The following UBE2E2 variants were observed in gnomAD, a reference collection of about 807,000 sequenced individuals.
UBE2E2 encodes ubiquitin-conjugating enzyme E2 E2.
A neutral mutation model predicts 24.7 loss-of-function variants in UBE2E2; 6 were observed. The ratio of observed to expected loss-of-function variants is 0.24; its 90% CI spans 0.13 to 0.48. UBE2E2 has a LOEUF of 0.48. Among genes scored for constraint, UBE2E2 ranks in the 20% least tolerant of loss-of-function variants. UBE2E2 has a pLI of 0.99. For missense variants in UBE2E2, 169 were observed against 245.0 expected, an observed-to-expected ratio of 0.69 and a Z score of 2.07; for synonymous variants, 104 against 83.6, an observed-to-expected ratio of 1.24 and a Z score of -1.33.
intron 3 of UBE2E2, among the ~76,000 whole-genome samples, chr3:23,313,177 T>C (rs1182576225): frequency 2.0e-5 from 3 of 152,154 alleles, no homozygotes; most frequent in Non-Finnish European, 2.9e-5. Context: ...ATCTGTTATA[T>C]CATCTTGCTA....
At chr3:23,578,470 C>T (rs994506869) in intron 5 of UBE2E2, among the ~76,000 whole-genome samples, 5 of 152,180 alleles carry the variant, frequency 3.3e-5, no homozygotes, top group African/African-American at 1.2e-4. Flanking sequence ...TATTAAGATA[C>T]GTGCACACAT....
chr3:23,232,500 C>A lies in UBE2E2; in HGVS notation c.227+15188C>A, dbSNP rs188745364. On this transcript the variant is annotated intron_variant, in intron 3 of 5. Coordinates refer to ENST00000396703, the MANE Select transcript of UBE2E2 (RefSeq NM_152653.4). ...CCTTCAAATTTATCAAACTGTGTAA[C>A]AAACTGTTTAGAATCCTCCTGATTT... 2.3e-3 allele frequency among the ~76,000 whole-genome samples: 346 copies of A among 151,964 alleles called. 3 individuals are homozygous for A. The highest frequency in any genetic ancestry group is 7.9e-3 in the African/African-American group (329 of 41,478).
chr3:23,308,558 G>A (rs1699292572), intron 3 of UBE2E2, among the ~76,000 whole-genome samples: 1 of 152,108 alleles, frequency 6.6e-6, no homozygotes. Context: ...AATTTTAAAA[G>A]TTTAGTTTTT....
chr3:23,554,740 G>T (rs1233300644), intron 5 of UBE2E2, among the ~76,000 whole-genome samples: 1 of 151,952 alleles, frequency 6.6e-6, no homozygotes, highest in African/African-American at 2.4e-5. Context: ...ACATCAAACT[G>T]CAAAACTTCT....
chr3:23,312,034 A>G (rs1014612429), intron 3 of UBE2E2, among the ~76,000 whole-genome samples: 1 of 152,148 alleles, frequency 6.6e-6, no homozygotes, highest in Admixed American at 6.5e-5. Flanking sequence ...TACCATCTTC[A>G]TGATAGTGAG....
At chr3:23,493,523 G>GT (rs1317530555) in intron 3 of UBE2E2, among the ~76,000 whole-genome samples, 4 of 151,780 alleles carry the variant, frequency 2.6e-5, no homozygotes, top group African/African-American at 7.3e-5. Flanking sequence ...AAAGCTTTAG[G>GT]TTTTTTTTCT....
intron 3 of UBE2E2, among the ~76,000 whole-genome samples, chr3:23,437,852 G>A (rs1228579841): frequency 6.6e-6 from 1 of 152,216 alleles, no homozygotes; most frequent in African/African-American, 2.4e-5. Context: ...ACACAGGACA[G>A]GTGGCCACTT....
intron 3 of UBE2E2, among the ~76,000 whole-genome samples, chr3:23,300,429 C>T (rs1429312835): frequency 3.3e-5 from 5 of 152,078 alleles, no homozygotes; most frequent in Admixed American, 1.3e-4. Context: ...TACCGGTTGT[C>T]CCTTTCCATG....
intron 2 of UBE2E2, among the ~76,000 whole-genome samples, chr3:23,215,110 G>C (rs993304438): frequency 2.3e-4 from 35 of 151,760 alleles, no homozygotes; most frequent in African/African-American, 8.0e-4. Flanking sequence ...TTAAACTTCT[G>C]TTTCTTATTC....
At chr3:23,249,952 G>A (rs151075051) in intron 3 of UBE2E2, among the ~76,000 whole-genome samples, 2 of 152,282 alleles carry the variant, frequency 1.3e-5, no homozygotes, top group Non-Finnish European at 2.9e-5. Flanking sequence ...CACCGCATCC[G>A]GCCTAACAGA....
At chr3:23,361,806 C>G (rs147797648) in intron 3 of UBE2E2, among the ~76,000 whole-genome samples, 1 of 151,020 alleles carries the variant, frequency 6.6e-6, no homozygotes, top group South Asian at 2.1e-4. Flanking sequence ...TCCCCAAAAA[C>G]TATTCATATA....
At position 23,454,161 on chromosome 3, in the gene UBE2E2, T is replaced by C. The variant is rs191643596; in HGVS notation, c.228-45447T>C. On this transcript the variant is annotated intron_variant, in intron 3 of 5. Transcript: ENST00000396703. Reference sequence around the variant, plus strand: ...TTTGAATTTTTAAGAAGCTAATGAATTTTTAGATCCCCATTAGTTGCTCTT... The same window carrying C: ...TTTGAATTTTTAAGAAGCTAATGAACTTTTAGATCCCCATTAGTTGCTCTT... Among the ~76,000 whole-genome samples the C allele has an allele frequency of 6.4e-4, 98 of 152,288 alleles. 5 individuals carry two copies. In the East Asian group the frequency reaches 0.015, roughly 24 times the overall value.
chr3:23,252,098 T>G (rs1697590615), intron 3 of UBE2E2, among the ~76,000 whole-genome samples: 1 of 152,208 alleles, frequency 6.6e-6, no homozygotes, highest in Admixed American at 6.5e-5. Context: ...AAAAAATTAG[T>G]TAAACTGGAA....
chr3:23,206,730 C>A (rs78846618), intron 1 of UBE2E2, among the ~76,000 whole-genome samples: 6,532 of 152,176 alleles, frequency 0.043, 488 homozygotes, highest in African/African-American at 0.15. Context: ...CATTAAAGAT[C>A]GGTGTTACAA....
At chr3:23,545,857 C>G (rs1022335195) in intron 5 of UBE2E2, among the ~76,000 whole-genome samples, 1 of 152,134 alleles carries the variant, frequency 6.6e-6, no homozygotes, top group Non-Finnish European at 1.5e-5. Flanking sequence ...ATAACATCTA[C>G]GGCAACTTGG....
intron 3 of UBE2E2, among the ~76,000 whole-genome samples, chr3:23,269,879 G>T (rs1698184802): frequency 6.6e-6 from 1 of 152,174 alleles, no homozygotes; most frequent in African/African-American, 2.4e-5. Flanking sequence ...CTGTTTATAA[G>T]GGAATAACAT....
chr3:23,523,825 AT>A (rs5847238), intron 4 of UBE2E2, among the ~76,000 whole-genome samples: 43 of 148,016 alleles, frequency 2.9e-4, no homozygotes, highest in Admixed American at 4.7e-4. Flanking sequence ...CAAAGAGGGG[AT>A]TTTTTTTTTT....
At chr3:23,494,619 C>A (rs1026274326) in intron 3 of UBE2E2, among the ~76,000 whole-genome samples, 3 of 152,110 alleles carry the variant, frequency 2.0e-5, no homozygotes, top group African/African-American at 7.2e-5. Flanking sequence ...AGTTCAAGAA[C>A]CACTGCTGTA....
intron 4 of UBE2E2, among the ~76,000 whole-genome samples, chr3:23,515,841 A>G (rs57278918): frequency 0.29 from 43,714 of 151,268 alleles, 6,713 homozygotes; most frequent in African/African-American, 0.38. Context: ...CAGGCGTGGT[A>G]GCTCACACCT....
Sources: gnomAD v4.1 joint callset for allele counts (sites outside exome capture counted in the v4.1 genomes callset) on GRCh38, gnomAD v4.1.1 for gene constraint, MANE v1.5 for transcripts, NCBI Gene and HGNC (gene_info 2026-07-23, HGNC 2026-07-21) for gene names.